The following LRRC38 variants were observed in gnomAD, a reference collection of about 807,000 sequenced individuals.
LRRC38 encodes the protein leucine-rich repeat-containing protein 38.
In LRRC38, 5 loss-of-function variants were observed where a neutral mutation model predicts 16.4. The observed-to-expected ratio is 0.31, with a 90% CI of 0.16 to 0.64. LRRC38 has a LOEUF of 0.64. Ranked by LOEUF, LRRC38 falls within the 30% of genes least tolerant of loss-of-function variation. LRRC38 has a pLI of 0.80. For synonymous variants in LRRC38, 191 were observed against 190.2 expected (o/e 1.00, Z -0.04); for missense variants, 341 against 401.8 (o/e 0.85, Z 1.29).
chr1:13,499,135 C>T (rs1569931072), intron 1 of LRRC38, among the ~76,000 whole-genome samples: 1 of 152,138 alleles, frequency 6.6e-6, no homozygotes, highest in Non-Finnish European at 1.5e-5. Flanking sequence ...CTTACTCTAT[C>T]ACCCAGGCTG....
intron 1 of LRRC38, among the ~76,000 whole-genome samples, chr1:13,507,546 T>C (rs1639227950): frequency 2.0e-5 from 3 of 152,184 alleles, no homozygotes; most frequent in Admixed American, 2.0e-4. Flanking sequence ...TAAAAAACAC[T>C]GGGGGCCAGG....
intron 1 of LRRC38, among the ~76,000 whole-genome samples, chr1:13,489,407 C>T (rs2100501012): frequency 1.3e-5 from 2 of 152,266 alleles, no homozygotes; most frequent in East Asian, 3.9e-4. Flanking sequence ...CTGAAGTCAC[C>T]TTTGATATCT....
chr1:13,494,069 A>T, intron 1 of LRRC38, among the ~76,000 whole-genome samples: 1 of 152,222 alleles, frequency 6.6e-6, no homozygotes, highest in African/African-American at 2.4e-5. Flanking sequence ...TCTCAAAAAC[A>T]AAAGAAGCAT....
At chr1:13,505,518 G>A (rs992705355) in intron 1 of LRRC38, among the ~76,000 whole-genome samples, 2 of 152,154 alleles carry the variant, frequency 1.3e-5, no homozygotes, top group Non-Finnish European at 2.9e-5. Context: ...GCATTCCTTG[G>A]CTCACTCACT....
intron 1 of LRRC38, among the ~76,000 whole-genome samples, chr1:13,504,009 G>A (rs1639180406): frequency 6.6e-6 from 1 of 152,258 alleles, no homozygotes; most frequent in Non-Finnish European, 1.5e-5. Context: ...AGATACTGCT[G>A]TCTGCGTGGG....
chr1:13,512,594 C>T (rs1202307950), intron 1 of LRRC38, among the ~76,000 whole-genome samples: 1 of 152,000 alleles, frequency 6.6e-6, no homozygotes, highest in Non-Finnish European at 1.5e-5. Flanking sequence ...AGAATACGGC[C>T]GTTTCCCATA....
chr1:13,478,705 G>T (rs1040390517), intron 1 of LRRC38, among the ~76,000 whole-genome samples: 1 of 152,136 alleles, frequency 6.6e-6, no homozygotes, highest in Non-Finnish European at 1.5e-5. Context: ...TAATTAGCAG[G>T]CTTCTGTCCT....
intron 1 of LRRC38, among the ~76,000 whole-genome samples, 169 bp from the exon 2 acceptor site, chr1:13,476,268 A>G (rs1236095409): frequency 6.7e-6 from 1 of 150,360 alleles, no homozygotes; most frequent in East Asian, 2.0e-4. Context: ...AAAAAAAAAA[A>G]GCCTTAGAGT....
At chr1:13,481,569 A>G (rs1638857086) in intron 1 of LRRC38, among the ~76,000 whole-genome samples, 2 of 149,926 alleles carry the variant, frequency 1.3e-5, no homozygotes, top group African/African-American at 4.9e-5. Context: ...TTTTTTTTGT[A>G]TTTTTTTAGT....
intron 1 of LRRC38, among the ~76,000 whole-genome samples, chr1:13,511,046 C>A (rs1639268004): frequency 6.6e-6 from 1 of 152,204 alleles, no homozygotes; most frequent in African/African-American, 2.4e-5. Flanking sequence ...CTGGCTGAGA[C>A]AAAGCCATAC....
intron 1 of LRRC38, among the ~76,000 whole-genome samples, chr1:13,508,186 G>A (rs1402395451): frequency 6.6e-6 from 1 of 152,160 alleles, no homozygotes; most frequent in Non-Finnish European, 1.5e-5. Flanking sequence ...GCAGTGAGCT[G>A]AGATCATGCC....
intron 1 of LRRC38, among the ~76,000 whole-genome samples, chr1:13,497,019 G>A (rs1639088474): frequency 6.6e-6 from 1 of 152,166 alleles, no homozygotes; most frequent in Non-Finnish European, 1.5e-5. Flanking sequence ...GAAGGTACCT[G>A]ATGAACTCAA....
intron 1 of LRRC38, among the ~76,000 whole-genome samples, chr1:13,503,481 C>T (rs1305195024): frequency 1.3e-5 from 2 of 152,148 alleles, no homozygotes; most frequent in Non-Finnish European, 2.9e-5. Flanking sequence ...GTTAGCCAGG[C>T]TGGTCTCGAT....
At chr1:13,496,948 T>C (rs1421132944) in intron 1 of LRRC38, among the ~76,000 whole-genome samples, 4 of 151,912 alleles carry the variant, frequency 2.6e-5, no homozygotes, top group Non-Finnish European at 4.4e-5. Flanking sequence ...CAAGTCATGC[T>C]GAGACCCAGA....
intron 1 of LRRC38, among the ~76,000 whole-genome samples, chr1:13,484,186 C>G (rs1471137671): frequency 6.6e-6 from 1 of 152,186 alleles, no homozygotes; most frequent in Non-Finnish European, 1.5e-5. Flanking sequence ...CTCTGCCTGG[C>G]TCGCTCCTTC....
At chr1:13,481,705 TAGA>T (rs1557495120) in intron 1 of LRRC38, among the ~76,000 whole-genome samples, 2 of 151,866 alleles carry the variant, frequency 1.3e-5, no homozygotes, top group African/African-American at 2.4e-5. Context: ...AATGTGTTCT[TAGA>T]AGAAGAGACA....
intron 1 of LRRC38, among the ~76,000 whole-genome samples, chr1:13,488,522 G>A (rs530216124): frequency 9.4e-4 from 143 of 151,960 alleles, no homozygotes; most frequent in Non-Finnish European, 1.9e-3. Flanking sequence ...CACCCACCTC[G>A]GCCTCCGAAA....
intron 1 of LRRC38, 42 bp downstream of exon 1, chr1:13,512,921 G>GCCGCCC: frequency 8.0e-7 from 1 of 1,246,174 alleles, no homozygotes. Context: ...GCCTCTCCCT[G>GCCGCCC]CCCCCCTCCC....
intron 1 of LRRC38, among the ~76,000 whole-genome samples, chr1:13,484,937 C>T (rs928324662): frequency 3.9e-5 from 6 of 152,176 alleles, no homozygotes; most frequent in African/African-American, 1.4e-4. Context: ...GGTGGTCTCA[C>T]CCTAGTGCCT....
Sources: gnomAD v4.1 joint callset for allele counts (sites outside exome capture counted in the v4.1 genomes callset) on GRCh38, gnomAD v4.1.1 for gene constraint, MANE v1.5 for transcripts, NCBI Gene and HGNC (gene_info 2026-07-23, HGNC 2026-07-21) for gene names.